CCDC91: variants seen among roughly 807,000 people sequenced by gnomAD.
CCDC91 encodes the protein coiled-coil domain-containing protein 91.
Under a neutral mutation model 63.2 loss-of-function variants are expected in CCDC91, and 48 were observed. The ratio of observed to expected loss-of-function variants is 0.76; its 90% CI spans 0.60 to 0.97. The LOEUF is 0.97. Ranked by LOEUF, CCDC91 falls within the 50% of genes least tolerant of loss-of-function variation. The pLI, the probability that CCDC91 is intolerant of heterozygous loss-of-function variation, is 0.00. For synonymous variants in CCDC91, 167 were observed against 165.8 expected, an observed-to-expected ratio of 1.01 and a Z score of -0.06; for missense variants, 500 against 494.6, an observed-to-expected ratio of 1.01 and a Z score of -0.10.
At chr12:28,220,863 A>C (rs1406212327) in intron 1 of CCDC91, among the ~76,000 whole-genome samples, 3 of 152,060 alleles carry the variant, frequency 2.0e-5, no homozygotes, top group Admixed American at 6.6e-5. Flanking sequence ...CTAAATACAA[A>C]TATTCTCTTG....
At chr12:28,513,302 A>G (rs1228773195) in intron 12 of CCDC91, among the ~76,000 whole-genome samples, 1 of 151,902 alleles carries the variant, frequency 6.6e-6, no homozygotes, top group Admixed American at 6.6e-5. Context: ...GCTTAGCTCA[A>G]TGCCTAACAC....
intron 1 of CCDC91, among the ~76,000 whole-genome samples, chr12:28,242,548 G>A (rs1945416262): frequency 6.6e-6 from 1 of 152,150 alleles, no homozygotes; most frequent in African/African-American, 2.4e-5. Flanking sequence ...AAGCCATCTG[G>A]GACTTGGAGG....
intron 8 of CCDC91, among the ~76,000 whole-genome samples, chr12:28,443,322 C>T (rs1239273136): frequency 1.3e-5 from 2 of 151,824 alleles, no homozygotes; most frequent in African/African-American, 4.8e-5. Flanking sequence ...ATTTGCTGCC[C>T]TCGACCTCTT....
intron 6 of CCDC91, among the ~76,000 whole-genome samples, chr12:28,346,769 G>A (rs775250104): frequency 1.3e-5 from 2 of 152,108 alleles, no homozygotes. Context: ...TGTCCTCTTG[G>A]TTATTTATAG....
chr12:28,370,143 A>T (rs897155660), intron 7 of CCDC91, among the ~76,000 whole-genome samples: 1 of 152,192 alleles, frequency 6.6e-6, no homozygotes, highest in East Asian at 1.9e-4. Flanking sequence ...TTGCATGTTC[A>T]GTCAGTCTGC....
At chr12:28,204,182 T>A (rs547915722) in intron 1 of CCDC91, among the ~76,000 whole-genome samples, 1 of 152,184 alleles carries the variant, frequency 6.6e-6, no homozygotes, top group African/African-American at 2.4e-5. Flanking sequence ...GTCACATGAT[T>A]GGTGCCCTCA....
At chr12:28,389,742 T>C (rs1262045034) in intron 7 of CCDC91, among the ~76,000 whole-genome samples, 1 of 152,124 alleles carries the variant, frequency 6.6e-6, no homozygotes, top group Non-Finnish European at 1.5e-5. Context: ...GCAAAATGAT[T>C]CTATAATACC....
At chr12:28,453,901 G>T (rs1395799915) in intron 11 of CCDC91, among the ~76,000 whole-genome samples, 1 of 151,826 alleles carries the variant, frequency 6.6e-6, no homozygotes, top group Non-Finnish European at 1.5e-5. Flanking sequence ...GGGTAAGAAG[G>T]CATGAAAAAA....
intron 8 of CCDC91, among the ~76,000 whole-genome samples, chr12:28,400,090 C>T (rs1946524348): frequency 1.3e-5 from 2 of 152,220 alleles, no homozygotes; most frequent in East Asian, 1.9e-4. Context: ...GGTTCTCCAT[C>T]ATGGGTCCAC....
intron 6 of CCDC91, among the ~76,000 whole-genome samples, chr12:28,349,727 T>C (rs1220141023): frequency 6.6e-6 from 1 of 152,132 alleles, no homozygotes; most frequent in Admixed American, 6.5e-5. Flanking sequence ...CTGTGGAAAC[T>C]TTCACTCCTT....
At chr12:28,251,429 AT>A in intron 1 of CCDC91, among the ~76,000 whole-genome samples, 1 of 152,208 alleles carries the variant, frequency 6.6e-6, no homozygotes, top group African/African-American at 2.4e-5. Context: ...TGTTGAGTAA[AT>A]GCAAATTTAA....
At chr12:28,191,870 G>A (rs1053553586) in intron 1 of CCDC91, among the ~76,000 whole-genome samples, 2 of 152,214 alleles carry the variant, frequency 1.3e-5, no homozygotes, top group Admixed American at 1.3e-4. Flanking sequence ...GTGTGGTAGA[G>A]AATTGCCCTG....
chr12:28,191,615 AT>A (rs1402605705), intron 1 of CCDC91, among the ~76,000 whole-genome samples: 1 of 142,172 alleles, frequency 7.0e-6, no homozygotes, highest in African/African-American at 2.6e-5. Flanking sequence ...TTACTTCACA[AT>A]TTAAGGCAAC....
intron 12 of CCDC91, among the ~76,000 whole-genome samples, chr12:28,512,775 C>T (rs11049685): frequency 0.31 from 47,171 of 151,624 alleles, 7,795 homozygotes; most frequent in African/African-American, 0.37. Context: ...TGTTAAAACA[C>T]GAAGCAATTA....
intron 1 of CCDC91, among the ~76,000 whole-genome samples, chr12:28,202,151 AT>A (rs1942502149): frequency 6.6e-6 from 1 of 152,018 alleles, no homozygotes; most frequent in Non-Finnish European, 1.5e-5. Context: ...ATTTGGTGAG[AT>A]ATTGTTATCA....
At chr12:28,396,681 G>T (rs1448771689) in intron 8 of CCDC91, among the ~76,000 whole-genome samples, 2 of 147,902 alleles carry the variant, frequency 1.4e-5, no homozygotes, top group African/African-American at 5.0e-5. Context: ...TGTGTGTGTG[G>T]GCATGTGTGT....
chr12:28,494,137 G>A (rs777366606), intron 12 of CCDC91, among the ~76,000 whole-genome samples: 2 of 151,602 alleles, frequency 1.3e-5, no homozygotes, highest in Non-Finnish European at 2.9e-5. Flanking sequence ...TTTCTGCTGG[G>A]ATTCCTCTAT....
intron 12 of CCDC91, among the ~76,000 whole-genome samples, chr12:28,491,206 T>TA: frequency 6.6e-6 from 1 of 151,656 alleles, no homozygotes; most frequent in Admixed American, 6.6e-5. Flanking sequence ...TCAAAATTGT[T>TA]CATCTAAGTA....
intron 7 of CCDC91, among the ~76,000 whole-genome samples, chr12:28,382,502 C>A (rs1945356251): frequency 6.6e-6 from 1 of 151,902 alleles, no homozygotes; most frequent in Non-Finnish European, 1.5e-5. Context: ...AGAATGCCTT[C>A]ATCATTGGGA....
Sources: gnomAD v4.1 joint callset for allele counts (sites outside exome capture counted in the v4.1 genomes callset) on GRCh38, gnomAD v4.1.1 for gene constraint, MANE v1.5 for transcripts, NCBI Gene and HGNC (gene_info 2026-07-23, HGNC 2026-07-21) for gene names.